PPP2R5A: variants seen among roughly 807,000 people sequenced by gnomAD.
The protein encoded by PPP2R5A is protein phosphatase 2 regulatory subunit B'alpha, also known as serine/threonine-protein phosphatase 2A 56 kDa regulatory subunit alpha isoform.
In PPP2R5A, 25 loss-of-function variants were observed where a neutral mutation model predicts 64.2. That is an observed-to-expected ratio of 0.39 (90% CI 0.28 to 0.54). The LOEUF is 0.54. Ranked by LOEUF, PPP2R5A falls within the 20% of genes least tolerant of loss-of-function variation. The pLI is 0.67. For missense variants in PPP2R5A, 425 were observed against 576.3 expected (o/e 0.74, Z 2.69); for synonymous variants, 198 against 201.2 (o/e 0.98, Z 0.13).
At chr1:212,356,698 T>C in intron 9 of PPP2R5A, 22 bp downstream of exon 9, 2 of 1,606,632 alleles carry the variant, frequency 1.2e-6, no homozygotes, top group Non-Finnish European at 1.7e-6. Context: ...TCACTAAATG[T>C]AGTGCATTTT....
chr1:212,293,633 G>A (rs1292691626), intron 1 of PPP2R5A, among the ~76,000 whole-genome samples: 1 of 151,806 alleles, frequency 6.6e-6, no homozygotes, highest in Non-Finnish European at 1.5e-5. Flanking sequence ...TTTTAAGTAA[G>A]TAATGAAGAA....
At chr1:212,297,357 ACCCGCTTCGGCCTCCTAAAATGCTG>A (rs1658716669) in intron 1 of PPP2R5A, 1 of 150,962 alleles carries the variant, frequency 6.6e-6, no homozygotes, top group Non-Finnish European at 1.5e-5. Flanking sequence ...CTCGTGATCC[ACCCGCTTCGGCCTCCTAAAATGCTG>A]GGATTACAGT....
chr1:212,300,660 A>G (rs1418641425), intron 1 of PPP2R5A, among the ~76,000 whole-genome samples: 1 of 152,150 alleles, frequency 6.6e-6, no homozygotes, highest in East Asian at 1.9e-4. Context: ...ACAAATAGCA[A>G]ATTTCTGAAT....
intron 3 of PPP2R5A, among the ~76,000 whole-genome samples, chr1:212,335,091 A>T (rs1659570082): frequency 6.6e-6 from 1 of 151,684 alleles, no homozygotes; most frequent in Non-Finnish European, 1.5e-5. Context: ...TTATATATGG[A>T]TTCTAGGTAT....
rs561274237 is a variant in PPP2R5A at position 212,309,376 on chromosome 1, C to T, written c.182-19759C>T. On this transcript the variant is annotated intron_variant, in intron 1 of 12. Coordinates refer to ENST00000261461, the MANE Select transcript of PPP2R5A (RefSeq NM_006243.4). ...CCTCCGGAGTCGCAGTGTCTTGGGC[C>T]GCCGGAAGGTGGGTGACGTGCGGAT... The T allele has an allele frequency of 2.0e-4, 299 of 1,505,558 alleles. 3 individuals carry two copies. In the South Asian group the frequency reaches 3.1e-3, roughly 16 times the overall value. 93.3% of individuals were successfully genotyped at this position (1,505,558 alleles called of 1,614,324 possible).
chr1:212,300,484 C>G (rs1257173294), intron 1 of PPP2R5A, among the ~76,000 whole-genome samples: 5 of 152,130 alleles, frequency 3.3e-5, no homozygotes, highest in African/African-American at 1.2e-4. Context: ...TACAGACTCA[C>G]TGTTAAAACA....
At chr1:212,296,713 G>A (rs1658697830) in intron 1 of PPP2R5A, among the ~76,000 whole-genome samples, 1 of 152,186 alleles carries the variant, frequency 6.6e-6, no homozygotes, top group South Asian at 2.1e-4. Context: ...GATTTAGATA[G>A]TCAATGCTGT....
rs139427714 is a variant in PPP2R5A at position 212,302,418 on chromosome 1, A to G, written c.181+16127A>G. On this transcript the variant is annotated intron_variant, in intron 1 of 12. Transcript: ENST00000261461. ...ATAAGTTATAGGAAACATAAAGACA[A>G]AACTAGTGGATTCTGTGTATGTGTT... Among the ~76,000 whole-genome samples the G allele has an allele frequency of 9.2e-5, 14 of 152,320 alleles. No individual in the cohort carries two copies. The Middle Eastern group carries it at 0.01, about 111-fold the overall frequency.
intron 3 of PPP2R5A, among the ~76,000 whole-genome samples, chr1:212,336,174 G>C (rs2102437046): frequency 1.3e-5 from 2 of 152,134 alleles, no homozygotes; most frequent in Middle Eastern, 6.8e-3. Flanking sequence ...GAGTGCAGTG[G>C]CATGATCTCG....
At chr1:212,335,084 T>C (rs1659569943) in intron 3 of PPP2R5A, among the ~76,000 whole-genome samples, 1 of 152,188 alleles carries the variant, frequency 6.6e-6, no homozygotes, top group Admixed American at 6.5e-5. Flanking sequence ...TCTTCATTTA[T>C]ATATGGATTC....
At chr1:212,349,102 A>G (rs1659832845) in intron 7 of PPP2R5A, 87 bp from the exon 8 acceptor site, 1 of 758,720 alleles carries the variant, frequency 1.3e-6, no homozygotes, top group East Asian at 3.1e-5. Flanking sequence ...AAAATGAGGT[A>G]GTCTAAAAAA....
chr1:212,294,374 G>T (rs1358902954), intron 1 of PPP2R5A, among the ~76,000 whole-genome samples: 2 of 152,096 alleles, frequency 1.3e-5, no homozygotes, highest in Non-Finnish European at 2.9e-5. Context: ...TTTCAGACAG[G>T]CTTTTCTGAA....
At chr1:212,330,247 A>G (rs575907751) in intron 2 of PPP2R5A, among the ~76,000 whole-genome samples, 1 of 152,254 alleles carries the variant, frequency 6.6e-6, no homozygotes, top group Non-Finnish European at 1.5e-5. Context: ...AATTCAGGCC[A>G]GTGCAGTGGC....
At chr1:212,311,327 G>T (rs989469415) in intron 1 of PPP2R5A, among the ~76,000 whole-genome samples, 12 of 152,068 alleles carry the variant, frequency 7.9e-5, no homozygotes, top group Non-Finnish European at 8.8e-5. Flanking sequence ...AATTAGTCGG[G>T]TGTGGTGGCA....
intron 8 of PPP2R5A, among the ~76,000 whole-genome samples, chr1:212,354,502 G>T (rs1377136027): frequency 6.6e-6 from 1 of 151,978 alleles, no homozygotes; most frequent in Non-Finnish European, 1.5e-5. Context: ...AACAGAGCAA[G>T]ACCTCGTTTC....
intron 1 of PPP2R5A, among the ~76,000 whole-genome samples, chr1:212,308,153 G>A (rs1658956444): frequency 1.3e-5 from 2 of 152,110 alleles, no homozygotes; most frequent in South Asian, 4.1e-4. Context: ...TTGGTGACAA[G>A]TTTTTGTTTT....
At chr1:212,327,870 A>C (rs927825312) in intron 1 of PPP2R5A, among the ~76,000 whole-genome samples, 1 of 152,220 alleles carries the variant, frequency 6.6e-6, no homozygotes, top group Non-Finnish European at 1.5e-5. Flanking sequence ...GCTGGAATGC[A>C]GTGGTGCGAT....
Position 212,356,633 on chromosome 1 carries a change from G to A in PPP2R5A, c.935G>A (p.Arg312Lys). The change falls in exon 9 of 13, where the codon AGA becomes AAA. Residue 312 changes from arginine (R) to lysine (K), a missense_variant. Around this residue, in one of 4 missense-constraint regions of PPP2R5A, gnomAD observed 177 missense variants for 244.8 expected, o/e 0.72. Coordinates refer to ENST00000261461, the MANE Select transcript of PPP2R5A (RefSeq NM_006243.4). ...ACTTTTTCTTTTTCGCAGGTGATCA[G>A]AGGACTGCTGAAATTTTGGCCAAAA... The part of the protein sequence containing the change: ...KDTTLTEPVI[R>K]GLLKFWPKTC... The A allele has an allele frequency of 6.2e-7, 1 of 1,612,266 alleles. No homozygotes were observed. The highest frequency in any genetic ancestry group is 1.1e-5 in the South Asian group (1 of 90,646).
intron 8 of PPP2R5A, among the ~76,000 whole-genome samples, chr1:212,354,989 T>C (rs1398957366): frequency 6.6e-6 from 1 of 152,206 alleles, no homozygotes; most frequent in African/African-American, 2.4e-5. Flanking sequence ...GACATTTAAA[T>C]GATGAAGTTG....
Sources: allele counts gnomAD v4.1 joint callset (sites outside exome capture counted in the v4.1 genomes callset), GRCh38; gene constraint gnomAD v4.1.1; regional missense constraint gnomAD v4.1.1; transcripts MANE v1.5; gene names NCBI Gene and HGNC (gene_info 2026-07-23, HGNC 2026-07-21).